TBC1D19: variants seen among roughly 807,000 people sequenced by gnomAD.
The protein encoded by TBC1D19 is TBC1 domain family member 19.
A neutral mutation model predicts 89.0 loss-of-function variants in TBC1D19; 60 were observed. The observed-to-expected ratio is 0.67, with a 90% confidence interval of 0.55 to 0.84. TBC1D19 has a LOEUF of 0.84. Among genes scored for constraint, TBC1D19 ranks in the 40% least tolerant of loss-of-function variants. The probability of loss-of-function intolerance (pLI) is 0.00; values close to 1 mark genes in which losing one functional copy is unlikely to be tolerated. For synonymous variants in TBC1D19, 189 were observed against 199.7 expected (o/e 0.95, Z 0.45); for missense variants, 500 against 610.8 (o/e 0.82, Z 1.91).
chr4:26,765,591 G>A, the TBC1D19 span, among the ~76,000 whole-genome samples: 1 of 152,122 alleles, frequency 6.6e-6, no homozygotes, highest in Non-Finnish European at 1.5e-5. Context: ...ACGGGGATGT[G>A]TAGGTGAACC....
intron 1 of TBC1D19, among the ~76,000 whole-genome samples, chr4:26,594,192 G>T (rs529245677): frequency 2.0e-5 from 3 of 152,258 alleles, no homozygotes; most frequent in African/African-American, 7.2e-5. Context: ...CCTTTGTAGG[G>T]ACATGGATGA....
intron 12 of TBC1D19, among the ~76,000 whole-genome samples, chr4:26,687,647 A>G (rs1713933310): frequency 1.3e-5 from 2 of 152,136 alleles, no homozygotes; most frequent in Admixed American, 6.6e-5. Context: ...CACTCATCAA[A>G]TATGTATTGG....
intron 7 of TBC1D19, among the ~76,000 whole-genome samples, chr4:26,655,963 T>C (rs1744773257): frequency 6.6e-6 from 1 of 152,172 alleles, no homozygotes; most frequent in Non-Finnish European, 1.5e-5. Context: ...TCTGCGTCGC[T>C]CACGCTGGGA....
chr4:26,689,047 A>C (rs968606163), intron 13 of TBC1D19, among the ~76,000 whole-genome samples: 10 of 152,086 alleles, frequency 6.6e-5, no homozygotes, highest in Non-Finnish European at 1.5e-4. Flanking sequence ...GCTTGATTAA[A>C]TGTAAATTGG....
chr4:26,679,041 C>A (rs1713097583), intron 11 of TBC1D19, among the ~76,000 whole-genome samples: 2 of 152,248 alleles, frequency 1.3e-5, no homozygotes, highest in South Asian at 4.1e-4. Flanking sequence ...TGCAGCCTGA[C>A]AATGTGGTAG....
the TBC1D19 span, among the ~76,000 whole-genome samples, chr4:26,799,690 G>C: frequency 1.3e-5 from 2 of 152,164 alleles, no homozygotes; most frequent in Non-Finnish European, 2.9e-5. Context: ...GACACAGAAG[G>C]TGTCATCTAT....
the TBC1D19 span, among the ~76,000 whole-genome samples, chr4:26,813,072 T>C: frequency 6.6e-6 from 1 of 151,660 alleles, no homozygotes; most frequent in Non-Finnish European, 1.5e-5. Context: ...TTTTAAAAAT[T>C]AGCCAGGTGT....
chr4:26,749,591 C>T (rs566774491), intron 19 of TBC1D19, among the ~76,000 whole-genome samples: 19 of 151,818 alleles, frequency 1.3e-4, no homozygotes, highest in Non-Finnish European at 2.2e-4. Context: ...AGATTACAGG[C>T]GCCTGCCACC....
chr4:26,832,530 C>G, the TBC1D19 span, among the ~76,000 whole-genome samples: 3 of 152,224 alleles, frequency 2.0e-5, no homozygotes, highest in African/African-American at 7.2e-5. Flanking sequence ...ATTAGACATT[C>G]TATCTTCCTG....
At chr4:26,610,575 A>C (rs1279049791) in intron 1 of TBC1D19, among the ~76,000 whole-genome samples, 1 of 151,890 alleles carries the variant, frequency 6.6e-6, no homozygotes, top group Admixed American at 6.6e-5. Flanking sequence ...AATACCCAAT[A>C]GGTAGTTCCA....
Position 26,589,237 on chromosome 4 carries a change from T to C in TBC1D19, c.99+4945T>C, listed in dbSNP as rs568593363. 8.5e-5 allele frequency among the ~76,000 whole-genome samples: 13 copies of C among 152,238 alleles called. No homozygotes were observed. In the East Asian group the frequency reaches 2.5e-3, roughly 29 times the overall value. The stretch of plus-strand genomic sequence containing the variant: ...TTGCAGCGAGCCAAGATCGTGCCAC[T>C]GCCCTTCAACCTAGGGGACAGAGCG... On this transcript the variant is annotated intron_variant, in intron 1 of 20. Transcript: ENST00000264866.
chr4:26,851,296 A>G, the TBC1D19 span, among the ~76,000 whole-genome samples: 10 of 86,864 alleles, frequency 1.2e-4, no homozygotes, highest in African/African-American at 4.2e-4. Flanking sequence ...AATTCCCCTA[A>G]TAAATACCCT....
the TBC1D19 span, among the ~76,000 whole-genome samples, chr4:26,853,991 T>C: frequency 6.6e-6 from 1 of 152,270 alleles, no homozygotes; most frequent in African/African-American, 2.4e-5. Flanking sequence ...CTTTTACTTA[T>C]TCTTCTTCCT....
At chr4:26,811,065 T>C in the TBC1D19 span, among the ~76,000 whole-genome samples, 2 of 152,202 alleles carry the variant, frequency 1.3e-5, no homozygotes, top group African/African-American at 2.4e-5. Context: ...CATACGTTTA[T>C]TGCAGCACTA....
chr4:26,664,763 C>G (rs1711647086), intron 8 of TBC1D19, among the ~76,000 whole-genome samples: 1 of 152,052 alleles, frequency 6.6e-6, no homozygotes, highest in Non-Finnish European at 1.5e-5. Context: ...TTGTCCCTCC[C>G]CCTGTGCTCT....
the TBC1D19 span, among the ~76,000 whole-genome samples, chr4:26,780,643 C>A: frequency 6.6e-6 from 1 of 152,338 alleles, no homozygotes; most frequent in African/African-American, 2.4e-5. Flanking sequence ...TCAGCCCTTG[C>A]GACAGGCTTC....
intron 19 of TBC1D19, among the ~76,000 whole-genome samples, chr4:26,750,781 A>G (rs1718907401): frequency 6.6e-6 from 1 of 152,244 alleles, no homozygotes; most frequent in Non-Finnish European, 1.5e-5. Context: ...GAATTCAGAT[A>G]AAGAATCACA....
At chr4:26,654,014 G>T (rs1428946668) in intron 7 of TBC1D19, among the ~76,000 whole-genome samples, 1 of 152,182 alleles carries the variant, frequency 6.6e-6, no homozygotes, top group East Asian at 1.9e-4. Context: ...GCTGGTACCG[G>T]TTATTCCTTT....
chr4:26,639,153 G>T (rs10021712), intron 6 of TBC1D19, among the ~76,000 whole-genome samples: 246 of 152,236 alleles, frequency 1.6e-3, no homozygotes, highest in African/African-American at 5.6e-3. Context: ...GGCTCAGAGG[G>T]TCCTTTCACC....
Sources: allele counts gnomAD v4.1 joint callset (sites outside exome capture counted in the v4.1 genomes callset), GRCh38; gene constraint gnomAD v4.1.1; transcripts MANE v1.5; gene names NCBI Gene and HGNC (gene_info 2026-07-23, HGNC 2026-07-21).